The following DOCK11 variants were observed in gnomAD, a reference collection of about 807,000 sequenced individuals.
DOCK11 encodes the protein dedicator of cytokinesis 11, also known as dedicator of cytokinesis protein 11.
A neutral mutation model predicts 169.1 loss-of-function variants in DOCK11; 70 were observed. The ratio of observed to expected loss-of-function variants is 0.41; its 90% CI spans 0.34 to 0.51. DOCK11 has a LOEUF of 0.51. Ranked by LOEUF, DOCK11 falls within the 20% of genes least tolerant of loss-of-function variation. The probability of loss-of-function intolerance (pLI) is 0.10; values close to 1 mark genes in which losing one functional copy is unlikely to be tolerated. For missense variants in DOCK11, 1,166 were observed against 1,538.8 expected, an observed-to-expected ratio of 0.76 and a Z score of 4.05; for synonymous variants, 529 against 541.3, an observed-to-expected ratio of 0.98 and a Z score of 0.32.
chrX:118,644,920 G>A (rs182306015), intron 40 of DOCK11, among the ~76,000 whole-genome samples: 175 of 111,835 alleles, frequency 1.6e-3, no homozygotes, highest in Non-Finnish European at 1.2e-3. Context: ...AGAAGGATTG[G>A]TGACAATGTC....
At position 118,676,702 on chromosome X, in the gene DOCK11, A is replaced by T. The variant is rs748400538; in HGVS notation, c.5425A>T (p.Thr1809Ser). The change falls in exon 48 of 53, where the codon ACG (threonine) becomes TCG (serine). Residue 1809 changes from threonine to serine, a missense_variant. Coordinates refer to ENST00000276202, the MANE Select transcript of DOCK11 (RefSeq NM_144658.4). ...TAAACTTTATGGTGAAAAGTTTGGT[A>T]CGGAGAATGTCAAAATAATTCAGGA... ...LVKLYGEKFG[T>S]ENVKIIQDSD... is the part of the protein sequence containing the mutation. 8.3e-7 allele frequency: 1 copy of T among 1,203,245 alleles called. No homozygotes were observed. The highest frequency in any genetic ancestry group is 2.2e-5 in the Admixed American group (1 of 45,415).
rs1290946883 is a variant in DOCK11 at position 118,597,501 on chromosome X, C to T, written c.2334C>T (p.Ser778=). ...IITFEQQLPV[S]ANLPPGYLNL... ...CATTTGAGCAGCAGCTGCCAGTTTC[C>T]GCCAATCTTCCCCCAGGCTACTTGA... is the stretch of plus-strand genomic sequence containing the variant. The change falls in exon 21 of 53, where the codon TCC becomes TCT. Residue 778 remains serine, a synonymous_variant. Coordinates refer to ENST00000276202, the MANE Select transcript of DOCK11 (RefSeq NM_144658.4). The T allele has an allele frequency of 2.5e-6, 3 of 1,211,196 alleles. No homozygotes were observed. The highest frequency in any genetic ancestry group is 1.8e-5 in the South Asian group (1 of 56,962).
chrX:118,551,520 G>A (rs1193499861), intron 6 of DOCK11, among the ~76,000 whole-genome samples: 1 of 111,297 alleles, frequency 9.0e-6, no homozygotes, highest in Non-Finnish European at 1.9e-5. Flanking sequence ...GCAACATAGC[G>A]AGCCCTGTCT....
chrX:118,519,013 T>C (rs1330268738), intron 1 of DOCK11, among the ~76,000 whole-genome samples: 4 of 112,131 alleles, frequency 3.6e-5, no homozygotes, highest in Non-Finnish European at 7.5e-5. Flanking sequence ...TGTAGTTCTT[T>C]TGCATTTCCG....
In DOCK11 at chrX:118,624,392, A is replaced by G. The variant is rs940890296; in HGVS notation, c.3472-147A>G. ...TTCTGTGGTAATTAGTTTTCAGACTATAAGTATAAAGAGATTCATGCTTCA... is the reference window on the plus strand; with the variant it reads ...TTCTGTGGTAATTAGTTTTCAGACTGTAAGTATAAAGAGATTCATGCTTCA... On this transcript the variant is annotated intron_variant, in intron 31 of 52. Transcript: ENST00000276202. 71 of 401,166 alleles carry G rather than the reference A, an allele frequency of 1.8e-4. No individual in the cohort carries two copies. In the Middle Eastern group the frequency reaches 3.6e-3, roughly 20 times the overall value. The allele number at this position is 401,166 out of a possible 1,213,427, so 33.1% of individuals were successfully genotyped here. A position where few individuals can be genotyped will look rare whatever the true frequency, so the allele number is the denominator to read the frequency against.
At position 118,609,265 on chromosome X, in the gene DOCK11, C is replaced by CT. The variant is rs762027555; in HGVS notation, c.2878-4dup. ...TTGGTAACCGTTAAAGATTCTCTTT[C>CT]TTTTTTTTTCAGTACTCATGGTTTT... is the stretch of plus-strand genomic sequence containing the variant. On this transcript the variant is annotated splice_polypyrimidine_tract_variant and intron_variant, in intron 26 of 52. Transcript: ENST00000276202. 6.5e-4 allele frequency: 742 copies of CT among 1,140,032 alleles called. 1 individual carries two copies. Among genetic ancestry groups the CT allele is most frequent in the Admixed American group, 6.9e-4 (29 of 42,056 alleles). 94.0% of individuals were successfully genotyped at this position (1,140,032 alleles called of 1,213,427 possible).
intron 12 of DOCK11, among the ~76,000 whole-genome samples, chrX:118,576,305 T>C (rs2013443765): frequency 9.0e-6 from 1 of 111,160 alleles, no homozygotes; most frequent in South Asian, 3.8e-4. Context: ...GGCATATTCA[T>C]GCCCCTTGGT....
At chrX:118,550,378 G>A (rs771418923) in intron 6 of DOCK11, among the ~76,000 whole-genome samples, 3 of 110,352 alleles carry the variant, frequency 2.7e-5, no homozygotes, top group Non-Finnish European at 5.7e-5. Flanking sequence ...GGTCGAGGCT[G>A]TAGTGAGGCG....
intron 39 of DOCK11, among the ~76,000 whole-genome samples, chrX:118,643,051 T>C (rs2015570690): frequency 8.9e-6 from 1 of 111,951 alleles, no homozygotes; most frequent in East Asian, 2.8e-4. Context: ...TCTAATAAAA[T>C]AGAACTGGTA....
At chrX:118,610,000 G>A (rs1047872338) in intron 27 of DOCK11, among the ~76,000 whole-genome samples, 2 of 111,980 alleles carry the variant, frequency 1.8e-5, no homozygotes, top group South Asian at 7.4e-4. Flanking sequence ...CGTTGTGTCT[G>A]TAACTCAGAA....
At chrX:118,579,275 AAAATTGTG>A (rs1489339958) in intron 13 of DOCK11, among the ~76,000 whole-genome samples, 2 of 111,888 alleles carry the variant, frequency 1.8e-5, no homozygotes, top group African/African-American at 6.5e-5. Flanking sequence ...AGATTTCTAG[AAAATTGTG>A]AAATTGTGAA....
chrX:118,549,787 A>G (rs755781884), intron 6 of DOCK11, among the ~76,000 whole-genome samples: 1 of 110,424 alleles, frequency 9.1e-6, no homozygotes, highest in East Asian at 2.9e-4. Context: ...GGCTGGTCTC[A>G]AACTCTTGGA....
chrX:118,619,335 G>A (rs1428541200), intron 31 of DOCK11, among the ~76,000 whole-genome samples: 2 of 104,581 alleles, frequency 1.9e-5, no homozygotes. Flanking sequence ...TTAGCCGGGC[G>A]TGGTGGCACA....
Position 118,676,701 on chromosome X carries a change from T to C in DOCK11, c.5424T>C (p.Gly1808=), listed in dbSNP as rs2016617469. The C allele has an allele frequency of 8.3e-7, 1 of 1,203,252 alleles. No homozygotes were observed. The highest frequency in any genetic ancestry group is 1.1e-6 in the Non-Finnish European group (1 of 891,127). Residue 1808 remains glycine (G), a synonymous_variant, in exon 48 of 53, where the codon GGT becomes GGC. Coordinates refer to ENST00000276202, the MANE Select transcript of DOCK11 (RefSeq NM_144658.4). ...RLVKLYGEKF[G]TENVKIIQDS... is the part of the protein sequence containing the mutation. ...TTAAACTTTATGGTGAAAAGTTTGG[T>C]ACGGAGAATGTCAAAATAATTCAGG...
chrX:118,602,164 C>T (rs1464631296), intron 23 of DOCK11, among the ~76,000 whole-genome samples: 3 of 100,221 alleles, frequency 3.0e-5, no homozygotes, highest in Non-Finnish European at 6.0e-5. Flanking sequence ...TGCCTGTAGA[C>T]ATTCAACTGG....
intron 6 of DOCK11, among the ~76,000 whole-genome samples, chrX:118,548,494 C>T (rs1005545195): frequency 1.8e-5 from 2 of 111,231 alleles, no homozygotes; most frequent in African/African-American, 6.6e-5. Flanking sequence ...TTCAAGAACC[C>T]CATAAGTGGA....
intron 1 of DOCK11, among the ~76,000 whole-genome samples, chrX:118,531,568 G>GT (rs2011587650): frequency 2.1e-5 from 2 of 93,515 alleles, no homozygotes; most frequent in Non-Finnish European, 4.2e-5. Context: ...TATATATATT[G>GT]TTTTTTTGAA....
At chrX:118,542,694 C>A in intron 1 of DOCK11, 31 bp from the exon 2 acceptor site, 1 of 1,034,222 alleles carries the variant, frequency 9.7e-7, no homozygotes, top group Non-Finnish European at 1.4e-6. Context: ...TGAGTTTGAT[C>A]ATAATAACTT....
intron 2 of DOCK11, 26 bp downstream of exon 2, chrX:118,542,867 GA>G (rs3841523): frequency 1.7e-6 from 2 of 1,194,801 alleles, no homozygotes; most frequent in African/African-American, 3.6e-5. Context: ...CTTCTTTAAA[GA>G]AAAAAACCCC....
Sources: gnomAD v4.1 joint callset for allele counts (sites outside exome capture counted in the v4.1 genomes callset) on GRCh38, gnomAD v4.1.1 for gene constraint, MANE v1.5 for transcripts, NCBI Gene and HGNC (gene_info 2026-07-23, HGNC 2026-07-21) for gene names.